STK24: variants seen among roughly 807,000 people sequenced by gnomAD.
The protein encoded by STK24 is serine/threonine kinase 24, also known as serine/threonine-protein kinase 24.
In STK24, 21 loss-of-function variants were observed where a neutral mutation model predicts 55.6. The observed-to-expected ratio is 0.38, with a 90% CI of 0.27 to 0.54. The LOEUF is 0.54. STK24 is among the 20% of genes least tolerant of loss of function. The pLI is 0.79. For synonymous variants in STK24, 200 were observed against 215.2 expected (o/e 0.93, Z 0.62); for missense variants, 383 against 538.4 (o/e 0.71, Z 2.86).
At chr13:98,488,219 T>G (rs1460114188) in intron 2 of STK24, among the ~76,000 whole-genome samples, 3 of 136,632 alleles carry the variant, frequency 2.2e-5, no homozygotes, top group Admixed American at 1.5e-4. Context: ...GAAGACCACA[T>G]GAGCACACAG....
intron 1 of STK24, among the ~76,000 whole-genome samples, chr13:98,542,076 G>T (rs1594655281): frequency 6.6e-6 from 1 of 152,090 alleles, no homozygotes; most frequent in East Asian, 1.9e-4. Flanking sequence ...TTTAACCATG[G>T]GCCGTTTATA....
intron 3 of STK24, among the ~76,000 whole-genome samples, chr13:98,477,170 C>A (rs1371084667): frequency 1.3e-5 from 2 of 152,212 alleles, no homozygotes; most frequent in Non-Finnish European, 1.5e-5. Flanking sequence ...TTCTAAAGAA[C>A]ACAATCAGGA....
At chr13:98,555,636 G>A (rs527300063) in intron 1 of STK24, among the ~76,000 whole-genome samples, 1 of 150,988 alleles carries the variant, frequency 6.6e-6, no homozygotes, top group South Asian at 2.1e-4. Flanking sequence ...ACTCCTGATT[G>A]GTTTTAACCA....
intron 1 of STK24, among the ~76,000 whole-genome samples, chr13:98,545,617 G>C (rs1316567728): frequency 1.6e-5 from 2 of 128,484 alleles, no homozygotes; most frequent in Non-Finnish European, 1.6e-5. Context: ...CTGGGTGACA[G>C]AGCAAAACTC....
chr13:98,495,452 G>C (rs758604756), intron 2 of STK24, among the ~76,000 whole-genome samples: 7 of 152,206 alleles, frequency 4.6e-5, no homozygotes, highest in Non-Finnish European at 8.8e-5. Flanking sequence ...TGTGCATATT[G>C]AGACAAAAAG....
chr13:98,569,668 A>C (rs1216328537), intron 1 of STK24, among the ~76,000 whole-genome samples: 1 of 151,974 alleles, frequency 6.6e-6, no homozygotes, highest in African/African-American at 2.4e-5. Context: ...GTTGAGTAAT[A>C]ATGGCTGGGC....
In STK24 at chr13:98,447,079, G is replaced by A. The variant is rs867014417; in HGVS notation, c.*6094C>T. The A allele has an allele frequency of 5.3e-5, 24 of 455,462 alleles. No homozygotes were observed. Among genetic ancestry groups the A allele is most frequent in the Admixed American group, 4.3e-4 (12 of 27,836 alleles). The allele number at this position is 455,462 out of a possible 1,614,324, so 28.2% of individuals were successfully genotyped here. A position where few individuals can be genotyped will look rare whatever the true frequency, so the allele number is the denominator to read the frequency against. On this transcript the variant is annotated 3_prime_UTR_variant, in exon 11 of 11. Coordinates refer to ENST00000539966, the MANE Select transcript of STK24 (RefSeq NM_001032296.4). Reference sequence around the variant, plus strand: ...CTTGCTTGGAGATCTCTGACATAACGTGTCCGGGATGATGAAGCTAAGCCC... The same window carrying A: ...CTTGCTTGGAGATCTCTGACATAACATGTCCGGGATGATGAAGCTAAGCCC...
At chr13:98,481,731 T>C (rs1408182004) in intron 3 of STK24, among the ~76,000 whole-genome samples, 1 of 146,334 alleles carries the variant, frequency 6.8e-6, no homozygotes, top group Non-Finnish European at 1.5e-5. Context: ...TGGTTTCCCA[T>C]GAAACAAAAC....
rs760190971 is a variant in STK24 at position 98,486,287 on chromosome 13, C to A, written c.274-3966G>T. Among the ~76,000 whole-genome samples the A allele has an allele frequency of 4.6e-5, 7 of 152,032 alleles. 1 individual carries two copies. Among genetic ancestry groups the A allele is most frequent in the Non-Finnish European group, 5.9e-5 (4 of 67,986 alleles). ...GGTGCCCATACATGTGGGCCGCACT[C>A]GCGCCACACCCCTGCAGCACTGCAC... On this transcript the variant is annotated intron_variant, in intron 2 of 10. Coordinates refer to ENST00000539966, the MANE Select transcript of STK24 (RefSeq NM_001032296.4).
chr13:98,525,197 T>C (rs370005073), intron 1 of STK24, among the ~76,000 whole-genome samples: 1 of 152,320 alleles, frequency 6.6e-6, no homozygotes, highest in African/African-American at 2.4e-5. Flanking sequence ...CCGAGGAAAG[T>C]AGATTTCCTT....
At chr13:98,471,596 CTTAGG>C (rs753382361) in intron 5 of STK24, among the ~76,000 whole-genome samples, 10 of 152,152 alleles carry the variant, frequency 6.6e-5, no homozygotes, top group Non-Finnish European at 1.3e-4. Flanking sequence ...TAATGTCATG[CTTAGG>C]TTAAGACTGA....
chr13:98,528,712 T>C (rs1387528236), intron 1 of STK24, among the ~76,000 whole-genome samples: 1 of 152,230 alleles, frequency 6.6e-6, no homozygotes, highest in Non-Finnish European at 1.5e-5. Flanking sequence ...GCATTACCAA[T>C]CAACTTTCAG....
At chr13:98,523,004 T>G (rs1172845441) in intron 1 of STK24, among the ~76,000 whole-genome samples, 1 of 152,174 alleles carries the variant, frequency 6.6e-6, no homozygotes, top group Non-Finnish European at 1.5e-5. Context: ...TTCTCAGACC[T>G]GGGTGAGCCT....
rs1277613019 is a variant in STK24 at position 98,446,395 on chromosome 13, C to T, written c.*6778G>A. 5.0e-6 allele frequency: 3 copies of T among 602,248 alleles called. No homozygotes were observed. Among genetic ancestry groups the T allele is most frequent in the African/African-American group, 1.9e-5 (1 of 53,930 alleles). 37.3% of individuals were successfully genotyped at this position (602,248 alleles called of 1,614,324 possible). ...TAGGGAAGACTGACATTATCATCCA[C>T]TGAAGGACAACTTCTGCCCTAGGAA... On this transcript the variant is annotated 3_prime_UTR_variant, in exon 11 of 11. Transcript: ENST00000539966.
chr13:98,532,217 T>C (rs1339299547), intron 1 of STK24, among the ~76,000 whole-genome samples: 1 of 152,054 alleles, frequency 6.6e-6, no homozygotes, highest in Non-Finnish European at 1.5e-5. Context: ...CACACTCACC[T>C]TTCTACACCT....
intron 1 of STK24, among the ~76,000 whole-genome samples, chr13:98,560,111 C>G (rs1182218861): frequency 6.6e-6 from 1 of 152,218 alleles, no homozygotes; most frequent in African/African-American, 2.4e-5. Context: ...CTAAACTGAT[C>G]TGAAGCCGGT....
intron 2 of STK24, 50 bp from the exon 3 acceptor site, chr13:98,482,371 AAT>A: frequency 8.7e-7 from 1 of 1,145,868 alleles, no homozygotes; most frequent in Non-Finnish European, 1.3e-6. Flanking sequence ...AATCCAGGAA[AAT>A]TTTTTTTAAT....
chr13:98,466,606 T>C, intron 5 of STK24, 45 bp from the exon 6 acceptor site: 1 of 1,597,266 alleles, frequency 6.3e-7, no homozygotes, highest in African/African-American at 1.3e-5. Flanking sequence ...CAGGAATCTA[T>C]TCCAATACAC....
chr13:98,458,926 A>G (rs1893583594), intron 9 of STK24, among the ~76,000 whole-genome samples: 1 of 152,248 alleles, frequency 6.6e-6, no homozygotes, highest in South Asian at 2.1e-4. Flanking sequence ...ACTCTAGGGT[A>G]GCAAATATCA....
Sources: gnomAD v4.1 joint callset for allele counts (sites outside exome capture counted in the v4.1 genomes callset) on GRCh38, gnomAD v4.1.1 for gene constraint, MANE v1.5 for transcripts, NCBI Gene and HGNC (gene_info 2026-07-23, HGNC 2026-07-21) for gene names.